The following PDK3 variants were observed in gnomAD, a reference collection of about 807,000 sequenced individuals.
The protein encoded by PDK3 is pyruvate dehydrogenase kinase 3.
PDK3 carries 12 observed loss-of-function variants against 32.0 expected under a neutral mutation model. That is an observed-to-expected ratio of 0.37 (90% CI 0.24 to 0.61). The LOEUF (loss-of-function observed/expected upper bound fraction) is 0.61. Ranked by LOEUF, PDK3 falls within the 20% of genes least tolerant of loss-of-function variation. The pLI, the probability that PDK3 is intolerant of heterozygous loss-of-function variation, is 0.65. For synonymous variants in PDK3, 122 were observed against 116.3 expected, an observed-to-expected ratio of 1.05 and a Z score of -0.31; for missense variants, 188 against 316.9, an observed-to-expected ratio of 0.59 and a Z score of 3.09.
At chrX:24,511,799 G>C (rs1922125557) in intron 5 of PDK3, among the ~76,000 whole-genome samples, 1 of 104,698 alleles carries the variant, frequency 9.6e-6, no homozygotes, top group Non-Finnish European at 1.9e-5. Flanking sequence ...AGTGAGCTGA[G>C]ATTGCGCCAT....
chrX:24,527,603 T>C lies in PDK3; in HGVS notation c.780T>C (p.Tyr260=), dbSNP rs1922554820. The C allele has an allele frequency of 2.5e-6, 3 of 1,186,891 alleles. No homozygotes were observed. The highest frequency in any genetic ancestry group is 3.5e-5 in the African/African-American group (2 of 56,875). ...CAATGAGAGCGACAGTTGAACTCTATGAAGACAGAAAAGAGGGCTACCCTG... is the reference window on the plus strand; with the variant it reads ...CAATGAGAGCGACAGTTGAACTCTACGAAGACAGAAAAGAGGGCTACCCTG... The part of the protein sequence containing the change: ...KNSMRATVEL[Y]EDRKEGYPAV... The change falls in exon 8 of 11, where the codon TAT becomes TAC. Residue 260 remains tyrosine, a synonymous_variant. Transcript: ENST00000379162.
chrX:24,539,392 A>G, downstream of PDK3: 2 of 382,780 alleles, frequency 5.2e-6, no homozygotes, highest in Non-Finnish European at 9.1e-6. Context: ...CTGTGGTGTG[A>G]TTGATGCCTG....
intron 1 of PDK3, among the ~76,000 whole-genome samples, chrX:24,491,615 G>A (rs1390591417): frequency 3.6e-5 from 4 of 110,856 alleles, no homozygotes; most frequent in Non-Finnish European, 5.7e-5. Context: ...TGCTGAGACT[G>A]GACTAAGCAG....
intron 2 of PDK3, among the ~76,000 whole-genome samples, chrX:24,498,335 C>T (rs1055175705): frequency 4.5e-5 from 5 of 111,426 alleles, no homozygotes; most frequent in Middle Eastern, 4.2e-3. Flanking sequence ...ATGAAGCTAT[C>T]GAGGCCCTGC....
exon 12 of PDK3, chrX:24,549,164 G>A (rs911494145): frequency 1.3e-4 from 15 of 111,356 alleles, no homozygotes; most frequent in African/African-American, 4.9e-4. Context: ...GCCTGCCACC[G>A]AAGAGGGACC....
chrX:24,535,504 C>T (rs866272544), downstream of PDK3, among the ~76,000 whole-genome samples: 1 of 55,508 alleles, frequency 1.8e-5, no homozygotes, highest in Admixed American at 2.5e-4. Context: ...GACTCCATCT[C>T]AAAAAAAAAA....
chrX:24,477,907 T>C (rs1232246230), intron 1 of PDK3, among the ~76,000 whole-genome samples: 2 of 112,037 alleles, frequency 1.8e-5, no homozygotes, highest in Non-Finnish European at 3.8e-5. Context: ...ACATGGCAAC[T>C]TTTCTGATTT....
intron 5 of PDK3, among the ~76,000 whole-genome samples, chrX:24,511,275 C>A (rs1922110576): frequency 8.9e-6 from 1 of 112,634 alleles, no homozygotes; most frequent in African/African-American, 3.2e-5. Flanking sequence ...GGTATTTTCA[C>A]CCTGGCTTTG....
intron 5 of PDK3, among the ~76,000 whole-genome samples, chrX:24,508,389 CG>C (rs1309570649): frequency 1.8e-5 from 2 of 111,612 alleles, no homozygotes; most frequent in Non-Finnish European, 3.8e-5. Flanking sequence ...AGAGCCAAAC[CG>C]TATCAATGAA....
chrX:24,486,823 G>A (rs1301561138), intron 1 of PDK3, among the ~76,000 whole-genome samples: 1 of 110,843 alleles, frequency 9.0e-6, no homozygotes, highest in Non-Finnish European at 1.9e-5. Context: ...TGGAGACTGG[G>A]TCTCCCTATG....
rs144371950 is a variant in PDK3, at chrX:24,493,743, A to G, written c.107-999A>G. 5.3e-5 allele frequency among the ~76,000 whole-genome samples: 6 copies of G among 112,308 alleles called. No individual in the cohort carries two copies. The East Asian group carries it at 1.4e-3, about 26-fold the overall frequency. ...CAAACTAGTTTTATCCCCATTTTAC[A>G]GATTAAGGCAGCTGAGACTCAGAAG... On this transcript the variant is annotated intron_variant, in intron 1 of 10. Coordinates refer to ENST00000379162, the MANE Select transcript of PDK3 (RefSeq NM_005391.5).
chrX:24,481,262 A>C (rs1921252909), intron 1 of PDK3, among the ~76,000 whole-genome samples: 1 of 110,553 alleles, frequency 9.0e-6, no homozygotes, highest in Admixed American at 9.6e-5. Context: ...CGATCTCCTG[A>C]CCTCGTGATC....
At chrX:24,535,231 G>A (rs770300616), downstream of PDK3, among the ~76,000 whole-genome samples, 25 of 112,058 alleles carry the variant, frequency 2.2e-4, no homozygotes, top group African/African-American at 6.8e-4. Context: ...TTGGCTGGGC[G>A]CAGTGGCTCA....
At chrX:24,512,486 A>G (rs1302083544) in intron 5 of PDK3, among the ~76,000 whole-genome samples, 2 of 112,263 alleles carry the variant, frequency 1.8e-5, no homozygotes, top group African/African-American at 6.5e-5. Context: ...AGAAAGATTT[A>G]TCAAAAGAAC....
intron 1 of PDK3, among the ~76,000 whole-genome samples, chrX:24,470,705 A>G (rs1282053512): frequency 5.7e-5 from 6 of 105,569 alleles, no homozygotes; most frequent in Admixed American, 1.0e-4. Context: ...AAAAAAAAAA[A>G]AAAAAGAAGA....
intron 4 of PDK3, 96 bp downstream of exon 4, chrX:24,503,607 G>T: frequency 1.6e-6 from 1 of 637,740 alleles, no homozygotes; most frequent in Non-Finnish European, 2.2e-6. Context: ...TGCATTTTTG[G>T]TTGTAGAAAT....
downstream of PDK3, among the ~76,000 whole-genome samples, chrX:24,538,681 G>A (rs1026491293): frequency 6.3e-5 from 7 of 111,323 alleles, no homozygotes; most frequent in Non-Finnish European, 1.1e-4. Flanking sequence ...TTGGGAGGCT[G>A]AGGCACGAGA....
At chrX:24,502,555 G>A (rs1375109262) in intron 3 of PDK3, among the ~76,000 whole-genome samples, 3 of 111,780 alleles carry the variant, frequency 2.7e-5, no homozygotes, top group African/African-American at 9.8e-5. Flanking sequence ...TTTTACTGCT[G>A]CGAGATATTT....
At chrX:24,493,250 G>A (rs756852181) in intron 1 of PDK3, among the ~76,000 whole-genome samples, 1 of 111,227 alleles carries the variant, frequency 9.0e-6, no homozygotes, top group Non-Finnish European at 1.9e-5. Context: ...AATGAGGGAT[G>A]GATTATTTCA....
Sources: allele counts gnomAD v4.1 joint callset (sites outside exome capture counted in the v4.1 genomes callset), GRCh38; gene constraint gnomAD v4.1.1; transcripts MANE v1.5; gene names NCBI Gene and HGNC (gene_info 2026-07-23, HGNC 2026-07-21).